Variants in SPECC1 observed in about 807,000 individuals in gnomAD.
The protein encoded by SPECC1 is sperm antigen with calponin homology and coiled-coil domains 1.
SPECC1 carries 62 observed loss-of-function variants against 104.1 expected under a neutral mutation model. The observed-to-expected ratio is 0.60, with a 90% CI of 0.49 to 0.74. SPECC1 has a LOEUF of 0.74. Among genes scored for constraint, SPECC1 ranks in the 30% least tolerant of loss-of-function variants. The probability of loss-of-function intolerance (pLI) is 0.00; values close to 1 mark genes in which losing one functional copy is unlikely to be tolerated. For synonymous variants in SPECC1, 513 were observed against 501.6 expected, an observed-to-expected ratio of 1.02 and a Z score of -0.30; for missense variants, 1,306 against 1,310.5, an observed-to-expected ratio of 1.00 and a Z score of 0.05.
At chr17:20,012,421 G>A (rs1187348734) in intron 1 of SPECC1, among the ~76,000 whole-genome samples, 1 of 151,418 alleles carries the variant, frequency 6.6e-6, no homozygotes, top group African/African-American at 2.4e-5. Context: ...TTCTTTAAAT[G>A]TTGTATTTTT....
chr17:20,242,051 C>A (rs1341998827), intron 7 of SPECC1, among the ~76,000 whole-genome samples: 1 of 152,150 alleles, frequency 6.6e-6, no homozygotes, highest in Non-Finnish European at 1.5e-5. Context: ...ACATGCGACC[C>A]GCCCTCTTCA....
chr17:20,052,280 A>T (rs1042287770), intron 1 of SPECC1, among the ~76,000 whole-genome samples: 1 of 152,196 alleles, frequency 6.6e-6, no homozygotes, highest in Non-Finnish European at 1.5e-5. Flanking sequence ...GTATTACTGT[A>T]TTCATTTCCA....
At chr17:20,146,774 C>T (rs1457799631) in intron 3 of SPECC1, among the ~76,000 whole-genome samples, 1 of 151,960 alleles carries the variant, frequency 6.6e-6, no homozygotes, top group Admixed American at 6.6e-5. Context: ...GGCATGGTGG[C>T]GGGTGCCTGT....
intron 12 of SPECC1, among the ~76,000 whole-genome samples, chr17:20,275,701 G>A (rs1031293941): frequency 5.3e-5 from 8 of 152,314 alleles, no homozygotes; most frequent in African/African-American, 1.9e-4. Context: ...GGACTTGTTA[G>A]TTGCATAGAG....
At chr17:20,198,313 TAGAG>T (rs1222386385) in intron 3 of SPECC1, among the ~76,000 whole-genome samples, 1 of 151,808 alleles carries the variant, frequency 6.6e-6, no homozygotes, top group Non-Finnish European at 1.5e-5. Flanking sequence ...AAAGGAAAAG[TAGAG>T]AGAGAAAAGC....
intron 3 of SPECC1, among the ~76,000 whole-genome samples, chr17:20,162,432 C>T (rs1054284084): frequency 6.6e-6 from 1 of 152,178 alleles, no homozygotes; most frequent in Non-Finnish European, 1.5e-5. Flanking sequence ...AGACGTGAGC[C>T]ACCGCGCCCG....
intron 12 of SPECC1, among the ~76,000 whole-genome samples, chr17:20,281,951 G>A (rs961535366): frequency 4.6e-5 from 7 of 152,228 alleles, no homozygotes; most frequent in Non-Finnish European, 1.0e-4. Flanking sequence ...GAACTGGGAG[G>A]CCCCTGCTGA....
chr17:20,264,809 G>A (rs1206097270), intron 12 of SPECC1, among the ~76,000 whole-genome samples: 1 of 152,008 alleles, frequency 6.6e-6, no homozygotes, highest in Non-Finnish European at 1.5e-5. Context: ...AAGGGCCACT[G>A]CACCTGGCCC....
chr17:20,242,090 A>G (rs1267411459), intron 7 of SPECC1, among the ~76,000 whole-genome samples: 1 of 152,218 alleles, frequency 6.6e-6, no homozygotes, highest in Admixed American at 6.5e-5. Context: ...TTGTGAAGGT[A>G]GCAGTGGTGC....
chr17:20,021,922 T>G (rs1011598959), intron 1 of SPECC1, among the ~76,000 whole-genome samples: 9 of 148,556 alleles, frequency 6.1e-5, no homozygotes, highest in African/African-American at 2.0e-4. Context: ...TATTTACTAT[T>G]TATTATTATT....
intron 1 of SPECC1, among the ~76,000 whole-genome samples, chr17:20,050,785 C>T (rs2152460617): frequency 6.6e-6 from 1 of 152,282 alleles, no homozygotes; most frequent in South Asian, 2.1e-4. Flanking sequence ...CCAACTTAGG[C>T]TCACATTTGA....
rs1445425714 is a variant in SPECC1, at chr17:20,107,154, AAAAAAAAAAAAAAAAG to A, written c.148-3268_148-3253del. The stretch of plus-strand genomic sequence containing the variant: ...GTGAGACTCGTGTCTCAAAAAAAAA[AAAAAAAAAAAAAAAAG>A]AAAAGAAAAACAAAAGAAAATGTGA... On this transcript the variant is annotated intron_variant, in intron 2 of 14. Coordinates refer to ENST00000395527, the MANE Select transcript of SPECC1 (RefSeq NM_001243439.2). 6.0e-5 allele frequency among the ~76,000 whole-genome samples: 9 copies of A among 149,514 alleles called. No individual in the cohort carries two copies. In the South Asian group the frequency reaches 1.1e-3, roughly 18 times the overall value.
chr17:20,262,489 G>A (rs2040064509), intron 12 of SPECC1, among the ~76,000 whole-genome samples: 2 of 152,196 alleles, frequency 1.3e-5, no homozygotes, highest in African/African-American at 4.8e-5. Flanking sequence ...TCAAGGTCAT[G>A]TGGGTAATGT....
rs535316608 is a variant in SPECC1, at chr17:20,263,794, A to G, written c.2940+3500A>G. Among the ~76,000 whole-genome samples the G allele has an allele frequency of 9.8e-5, 15 of 152,338 alleles. No individual in the cohort carries two copies. In the East Asian group the frequency reaches 2.5e-3, roughly 25 times the overall value. On this transcript the variant is annotated intron_variant, in intron 12 of 14. Coordinates refer to ENST00000395527, the MANE Select transcript of SPECC1 (RefSeq NM_001243439.2). ...ACGTTTTCAGAAGGAGTGGCCTTCTATGATGTAACCTTGTTGTAATGCAGG... is the reference window on the plus strand; with the variant it reads ...ACGTTTTCAGAAGGAGTGGCCTTCTGTGATGTAACCTTGTTGTAATGCAGG...
intron 12 of SPECC1, among the ~76,000 whole-genome samples, chr17:20,269,119 T>C (rs1431947472): frequency 6.6e-6 from 1 of 152,182 alleles, no homozygotes; most frequent in South Asian, 2.1e-4. Context: ...CTCTAAAATA[T>C]AAAGCCCAGA....
At chr17:20,307,507 T>C (rs1189988997) in intron 14 of SPECC1, among the ~76,000 whole-genome samples, 1 of 152,190 alleles carries the variant, frequency 6.6e-6, no homozygotes, top group Admixed American at 6.5e-5. Context: ...AAAGGCTCCC[T>C]GGGTTTCTCC....
intron 12 of SPECC1, among the ~76,000 whole-genome samples, chr17:20,295,094 A>G (rs1315352518): frequency 6.6e-6 from 1 of 151,762 alleles, no homozygotes; most frequent in African/African-American, 2.4e-5. Flanking sequence ...ATAAGTATAC[A>G]TGTGCCATGT....
chr17:20,285,728 C>T (rs1387405034), intron 12 of SPECC1, among the ~76,000 whole-genome samples: 1 of 151,882 alleles, frequency 6.6e-6, no homozygotes, highest in Non-Finnish European at 1.5e-5. Context: ...AATCAGGGTC[C>T]TTCCCTCCTT....
chr17:20,238,814 A>G, intron 7 of SPECC1: 2 of 1,045,314 alleles, frequency 1.9e-6, no homozygotes, highest in Non-Finnish European at 2.3e-6. Context: ...CTATATTTTG[A>G]CCTGTCGTTA....
Sources: gnomAD v4.1 joint callset for allele counts (sites outside exome capture counted in the v4.1 genomes callset) on GRCh38, gnomAD v4.1.1 for gene constraint, MANE v1.5 for transcripts, NCBI Gene and HGNC (gene_info 2026-07-23, HGNC 2026-07-21) for gene names.